KANSL1L: variants seen among roughly 807,000 people sequenced by gnomAD.
The protein encoded by KANSL1L is KAT8 regulatory NSL complex subunit 1 like, also known as KAT8 regulatory NSL complex subunit 1-like protein.
A neutral mutation model predicts 108.6 loss-of-function variants in KANSL1L; 25 were observed. The ratio of observed to expected loss-of-function variants is 0.23; its 90% confidence interval spans 0.17 to 0.32. KANSL1L has a LOEUF of 0.32. Among genes scored for constraint, KANSL1L ranks in the 10% least tolerant of loss-of-function variants. The pLI, the probability that KANSL1L is intolerant of heterozygous loss-of-function variation, is 1.00. For missense variants in KANSL1L, 1,137 were observed against 1,125.7 expected (o/e 1.01, Z -0.14); for synonymous variants, 405 against 395.1 (o/e 1.03, Z -0.30).
intron 3 of KANSL1L, among the ~76,000 whole-genome samples, chr2:210,107,528 A>G (rs1233173477): frequency 6.9e-6 from 1 of 144,664 alleles, no homozygotes; most frequent in African/African-American, 2.6e-5. Flanking sequence ...AAATATATAT[A>G]TATATATTTT....
chr2:210,120,978 T>A (rs1043530039), intron 3 of KANSL1L, among the ~76,000 whole-genome samples: 1 of 152,034 alleles, frequency 6.6e-6, no homozygotes, highest in East Asian at 1.9e-4. Context: ...ATGGCTACTA[T>A]TAAAAAGTCA....
chr2:210,101,581 T>TA (rs1376940132), intron 4 of KANSL1L, among the ~76,000 whole-genome samples: 2 of 152,172 alleles, frequency 1.3e-5, no homozygotes, highest in African/African-American at 4.8e-5. Flanking sequence ...GGGTTGATCC[T>TA]ATAGGATGAG....
chr2:210,098,468 G>A (rs1015821801), intron 4 of KANSL1L, among the ~76,000 whole-genome samples: 1 of 151,470 alleles, frequency 6.6e-6, no homozygotes. Flanking sequence ...TAACACATTT[G>A]AACCCAGCTA....
At chr2:210,172,394 G>A (rs980737782), upstream of KANSL1L, among the ~76,000 whole-genome samples, 4 of 152,188 alleles carry the variant, frequency 2.6e-5, no homozygotes, top group Non-Finnish European at 5.9e-5. Flanking sequence ...AAGATCCCGG[G>A]GGCGGAAGAG....
intron 5 of KANSL1L, 58 bp from the exon 6 acceptor site, chr2:210,075,814 CAAAA>C (rs1458781662): frequency 2.4e-6 from 3 of 1,250,154 alleles, no homozygotes; most frequent in Admixed American, 4.4e-5. Flanking sequence ...ACAAAACAAA[CAAAA>C]AAGACAAAGA....
intron 6 of KANSL1L, among the ~76,000 whole-genome samples, chr2:210,053,865 A>T (rs1296340306): frequency 6.6e-6 from 1 of 152,078 alleles, no homozygotes; most frequent in Admixed American, 6.5e-5. Flanking sequence ...CCTAATATAG[A>T]TAAAGAGCTC....
chr2:210,047,437 A>T (rs1389653788), intron 6 of KANSL1L, among the ~76,000 whole-genome samples: 1 of 152,166 alleles, frequency 6.6e-6, no homozygotes, highest in Non-Finnish European at 1.5e-5. Context: ...ACAAGACACT[A>T]GAACATGAAT....
intron 2 of KANSL1L, among the ~76,000 whole-genome samples, chr2:210,138,048 T>C (rs985741279): frequency 6.6e-6 from 1 of 151,964 alleles, no homozygotes; most frequent in African/African-American, 2.4e-5. Context: ...AAATTGTACA[T>C]ATCTATATAA....
intron 1 of KANSL1L, among the ~76,000 whole-genome samples, chr2:210,158,219 A>G (rs961839427): frequency 6.6e-6 from 1 of 152,208 alleles, no homozygotes; most frequent in Non-Finnish European, 1.5e-5. Context: ...AGATTAGGTA[A>G]CAAAGAGACT....
At chr2:210,150,594 C>A (rs1324211498) in intron 2 of KANSL1L, among the ~76,000 whole-genome samples, 3 of 151,810 alleles carry the variant, frequency 2.0e-5, no homozygotes, top group Non-Finnish European at 2.9e-5. Context: ...ACCAGCTTGA[C>A]CAACATGGAG....
At chr2:210,089,913 A>T (rs923881606) in intron 5 of KANSL1L, among the ~76,000 whole-genome samples, 1 of 152,180 alleles carries the variant, frequency 6.6e-6, no homozygotes, top group Non-Finnish European at 1.5e-5. Context: ...TAGTAACTGT[A>T]TAATGAATGT....
At chr2:210,030,384 A>G (rs959383905) in intron 9 of KANSL1L, among the ~76,000 whole-genome samples, 1 of 150,558 alleles carries the variant, frequency 6.6e-6, no homozygotes. Context: ...GTTCTCTGGT[A>G]CTCTTTTTTT....
chr2:210,126,271 T>C (rs952320017), intron 3 of KANSL1L, among the ~76,000 whole-genome samples: 7 of 152,154 alleles, frequency 4.6e-5, no homozygotes, highest in Non-Finnish European at 7.4e-5. Flanking sequence ...AAGGAGTTGA[T>C]AGACTTGTAT....
At chr2:210,091,326 G>A (rs1415205142) in intron 5 of KANSL1L, among the ~76,000 whole-genome samples, 1 of 151,996 alleles carries the variant, frequency 6.6e-6, no homozygotes, top group East Asian at 1.9e-4. Flanking sequence ...GACCTCCTAT[G>A]TGACTATTTT....
chr2:210,136,500 C>G (rs1253677844), intron 2 of KANSL1L, among the ~76,000 whole-genome samples: 1 of 152,066 alleles, frequency 6.6e-6, no homozygotes, highest in Non-Finnish European at 1.5e-5. Flanking sequence ...TTAAACTAAT[C>G]AAAACATTTA....
chr2:210,164,952 G>A lies in KANSL1L; in HGVS notation c.-30+6197C>T, dbSNP rs1687847086. Among the ~76,000 whole-genome samples, 3 of 147,412 alleles carry A rather than the reference G, an allele frequency of 2.0e-5. No homozygotes were observed. The South Asian group carries it at 6.3e-4, about 31-fold the overall frequency. ...ACAATCTCAGCTCACTGCAACTTCCGCTTCCTGGGTTCAAGCGATTCTCCT... is the reference window on the plus strand; with the variant it reads ...ACAATCTCAGCTCACTGCAACTTCCACTTCCTGGGTTCAAGCGATTCTCCT... On this transcript the variant is annotated intron_variant, in intron 1 of 14. Transcript: ENST00000281772.
chr2:210,148,233 T>C (rs952872663), intron 2 of KANSL1L, among the ~76,000 whole-genome samples: 6 of 152,168 alleles, frequency 3.9e-5, no homozygotes, highest in Admixed American at 1.3e-4. Flanking sequence ...TTCTTCCTTT[T>C]CCACAACCCT....
At chr2:210,155,281 G>A (rs1002394563) in intron 1 of KANSL1L, 1 of 152,064 alleles carries the variant, frequency 6.6e-6, no homozygotes, top group African/African-American at 2.4e-5. Flanking sequence ...GCATGGTGGT[G>A]GGCAACTGTA....
At chr2:210,107,030 A>G (rs952004396) in intron 3 of KANSL1L, among the ~76,000 whole-genome samples, 3 of 152,156 alleles carry the variant, frequency 2.0e-5, no homozygotes, top group Admixed American at 1.3e-4. Context: ...TAAGAAAGAC[A>G]AAAAATATTT....
Sources: gnomAD v4.1 joint callset for allele counts (sites outside exome capture counted in the v4.1 genomes callset) on GRCh38, gnomAD v4.1.1 for gene constraint, MANE v1.5 for transcripts, NCBI Gene and HGNC (gene_info 2026-07-23, HGNC 2026-07-21) for gene names.